AFG2A: variants seen among roughly 807,000 people sequenced by gnomAD.
The protein encoded by AFG2A is AAA ATPase AFG2A.
At chr4:123,033,237 G>A in the AFG2A span, among the ~76,000 whole-genome samples, 1 of 152,132 alleles carries the variant, frequency 6.6e-6, no homozygotes, top group Non-Finnish European at 1.5e-5. Flanking sequence ...GTGACTTTTC[G>A]AAGGTCTAAG....
At chr4:123,118,355 A>ATATTATATATAT in the AFG2A span, among the ~76,000 whole-genome samples, 1 of 134,728 alleles carries the variant, frequency 7.4e-6, no homozygotes, top group African/African-American at 3.0e-5. Context: ...TATATATATT[A>ATATTATATATAT]TATATATATA....
chr4:123,217,572 C>G, the AFG2A span, among the ~76,000 whole-genome samples: 1 of 152,278 alleles, frequency 6.6e-6, no homozygotes, highest in African/African-American at 2.4e-5. Context: ...ACTTACACAG[C>G]TGAAGTGAAT....
At chr4:123,030,992 A>G in the AFG2A span, among the ~76,000 whole-genome samples, 1 of 152,188 alleles carries the variant, frequency 6.6e-6, no homozygotes, top group African/African-American at 2.4e-5. Flanking sequence ...AATTTTTTTA[A>G]ATACAAAGTT....
At chr4:123,229,041 G>T in the AFG2A span, among the ~76,000 whole-genome samples, 1 of 151,800 alleles carries the variant, frequency 6.6e-6, no homozygotes, top group Non-Finnish European at 1.5e-5. Flanking sequence ...GTAATTCTAG[G>T]TACTTCTGAG....
chr4:123,213,868 A>C, the AFG2A span, among the ~76,000 whole-genome samples: 2 of 152,180 alleles, frequency 1.3e-5, no homozygotes, highest in Non-Finnish European at 2.9e-5. Context: ...CTATTTTTGC[A>C]GAAGTACTTA....
At chr4:122,953,856 G>C in the AFG2A span, among the ~76,000 whole-genome samples, 2 of 152,120 alleles carry the variant, frequency 1.3e-5, no homozygotes, top group South Asian at 4.1e-4. Flanking sequence ...CTCATAAGTT[G>C]GTGGCTGCTT....
the AFG2A span, among the ~76,000 whole-genome samples, chr4:123,170,384 A>G: frequency 6.6e-6 from 1 of 152,152 alleles, no homozygotes; most frequent in Non-Finnish European, 1.5e-5. Context: ...CTATACCCCT[A>G]TCGTCATTGC....
chr4:122,934,040 CATT>C, the AFG2A span: 1,127 of 1,475,916 alleles, frequency 7.6e-4, 7 homozygotes, highest in African/African-American at 0.014. Context: ...GCTATTTAAA[CATT>C]AAACTGGTAA....
chr4:123,267,979 C>T, the AFG2A span, among the ~76,000 whole-genome samples: 1 of 151,908 alleles, frequency 6.6e-6, no homozygotes, highest in Admixed American at 6.6e-5. Flanking sequence ...GGCTTATAAG[C>T]TAATCACCCA....
chr4:123,296,588 T>C, the AFG2A span, among the ~76,000 whole-genome samples: 1 of 152,216 alleles, frequency 6.6e-6, no homozygotes, highest in African/African-American at 2.4e-5. Flanking sequence ...AATATTGTGA[T>C]TCTGAGATTT....
At chr4:123,185,581 C>T in the AFG2A span, among the ~76,000 whole-genome samples, 2 of 152,000 alleles carry the variant, frequency 1.3e-5, no homozygotes, top group African/African-American at 4.8e-5. Context: ...CATTTCTTTC[C>T]TGCTACTTTA....
chr4:123,003,483 G>T, the AFG2A span, among the ~76,000 whole-genome samples: 5 of 152,218 alleles, frequency 3.3e-5, no homozygotes, highest in South Asian at 1.0e-3. Context: ...GTGGGTTTTT[G>T]GTGTGGATGT....
At chr4:123,078,839 T>A in the AFG2A span, among the ~76,000 whole-genome samples, 2 of 152,166 alleles carry the variant, frequency 1.3e-5, no homozygotes, top group African/African-American at 4.8e-5. Context: ...TATTTCAGGA[T>A]AGCTGAAAAA....
At chr4:123,295,890 G>A in the AFG2A span, among the ~76,000 whole-genome samples, 7 of 152,284 alleles carry the variant, frequency 4.6e-5, no homozygotes, top group South Asian at 8.3e-4. Flanking sequence ...AGCTGAGCAC[G>A]ATCTTGTCTC....
chr4:123,304,522 C>T, the AFG2A span, among the ~76,000 whole-genome samples: 1 of 152,186 alleles, frequency 6.6e-6, no homozygotes, highest in East Asian at 1.9e-4. Context: ...GGCCCTCCAG[C>T]GGCTGCACCA....
At chr4:123,025,875 T>C in the AFG2A span, among the ~76,000 whole-genome samples, 1 of 152,318 alleles carries the variant, frequency 6.6e-6, no homozygotes, top group Non-Finnish European at 1.5e-5. Flanking sequence ...CATTTAAAAA[T>C]ATTAAAGCAT....
the AFG2A span, among the ~76,000 whole-genome samples, chr4:123,270,912 T>C: frequency 1.3e-5 from 2 of 152,222 alleles, no homozygotes; most frequent in African/African-American, 2.4e-5. Flanking sequence ...TTAAAGACGA[T>C]GAAAGGCCAG....
At chr4:123,102,008 C>T in the AFG2A span, among the ~76,000 whole-genome samples, 1 of 151,598 alleles carries the variant, frequency 6.6e-6, no homozygotes, top group Non-Finnish European at 1.5e-5. Context: ...TGTTTCTGTA[C>T]CTGTGAAAAA....
chr4:123,045,138 C>G, the AFG2A span, among the ~76,000 whole-genome samples: 1 of 151,464 alleles, frequency 6.6e-6, no homozygotes, highest in African/African-American at 2.4e-5. Flanking sequence ...TTGTATTGAA[C>G]TTTTTTTCTC....
Sources: allele counts gnomAD v4.1 joint callset (sites outside exome capture counted in the v4.1 genomes callset), GRCh38; gene constraint gnomAD v4.1.1; transcripts MANE v1.5; gene names NCBI Gene and HGNC (gene_info 2026-07-23, HGNC 2026-07-21).